DMD: variants seen among roughly 807,000 people sequenced by gnomAD.
DMD encodes dystrophin.
A neutral mutation model predicts 330.1 loss-of-function variants in DMD; 63 were observed. The observed-to-expected ratio is 0.19, with a 90% CI of 0.16 to 0.24. The LOEUF (loss-of-function observed/expected upper bound fraction) is 0.24. DMD is among the 10% of genes least tolerant of loss of function. The pLI, the probability that DMD is intolerant of heterozygous loss-of-function variation, is 1.00. For missense variants in DMD, 3,344 were observed against 2,684.1 expected, an observed-to-expected ratio of 1.25 and a Z score of -5.43; for synonymous variants, 1,223 against 959.8, an observed-to-expected ratio of 1.27 and a Z score of -5.07.
At chrX:32,458,260 A>G (rs1014915585) in intron 25 of DMD, among the ~76,000 whole-genome samples, 3 of 111,106 alleles carry the variant, frequency 2.7e-5, no homozygotes, top group African/African-American at 9.8e-5. Context: ...CCAGTATTTG[A>G]CCGCGTGTGT....
intron 41 of DMD, among the ~76,000 whole-genome samples, chrX:32,316,653 A>G (rs1212763364): frequency 9.0e-6 from 1 of 111,434 alleles, no homozygotes; most frequent in African/African-American, 3.3e-5. Flanking sequence ...CATTTTCTAG[A>G]AAATTCCGTG....
At chrX:32,882,558 TCTA>T (rs1416473702) in intron 2 of DMD, among the ~76,000 whole-genome samples, 2 of 112,285 alleles carry the variant, frequency 1.8e-5, no homozygotes, top group Admixed American at 1.9e-4. Context: ...ACTATTGTTT[TCTA>T]CTACTTTTAT....
chrX:32,540,715 T>C (rs915506400), intron 17 of DMD, among the ~76,000 whole-genome samples: 8 of 112,035 alleles, frequency 7.1e-5, no homozygotes, highest in African/African-American at 1.9e-4. Context: ...TTCCTTTGTT[T>C]TGACGGGCAA....
rs1196023131 is a variant in DMD, at chrX:32,021,033, C to CA, written c.6439-52520dup. ...AATCAATCATTTCTATTTATGTGTG[C>CA]ATACCCTATGACCTGACAATACTAC... On this transcript the variant is annotated intron_variant, in intron 44 of 78. Coordinates refer to ENST00000357033, the MANE Select transcript of DMD (RefSeq NM_004006.3). Among the ~76,000 whole-genome samples the CA allele has an allele frequency of 2.7e-5, 3 of 112,250 alleles. No individual in the cohort carries two copies. In the Admixed American group the frequency reaches 2.8e-4, roughly 11 times the overall value.
intron 1 of DMD, among the ~76,000 whole-genome samples, chrX:33,333,511 C>T (rs1191205874): frequency 3.6e-5 from 4 of 110,743 alleles, no homozygotes; most frequent in Admixed American, 9.7e-5. Context: ...GGAACATCCT[C>T]ATGGAAATAC....
chrX:32,889,498 T>TGTG (rs1433444381), intron 2 of DMD, among the ~76,000 whole-genome samples: 1 of 110,719 alleles, frequency 9.0e-6, no homozygotes, highest in East Asian at 2.9e-4. Flanking sequence ...TCATATCCCC[T>TGTG]GTGACCTGCC....
intron 7 of DMD, among the ~76,000 whole-genome samples, chrX:32,735,851 C>A (rs1369258715): frequency 8.9e-6 from 1 of 111,787 alleles, no homozygotes; most frequent in Non-Finnish European, 1.9e-5. Flanking sequence ...AGGACATAGG[C>A]ATGGGCAAGG....
rs1020855010 is a variant in DMD, at chrX:31,134,050, C to T, written c.11014+52G>A. The T allele has an allele frequency of 3.4e-5, 37 of 1,089,270 alleles. No homozygotes were observed. In the East Asian group the frequency reaches 6.3e-4, roughly 19 times the overall value. The allele number at this position is 1,089,270 out of a possible 1,213,427, so 89.8% of individuals were successfully genotyped here. A position where few individuals can be genotyped will look rare whatever the true frequency, so the allele number is the denominator to read the frequency against. On this transcript the variant is annotated intron_variant, in intron 77 of 78. Coordinates refer to ENST00000357033, the MANE Select transcript of DMD (RefSeq NM_004006.3). ...TACACACACCAGTTGGGTAGGGAAG[C>T]GAGTGGCCTGATCCCAGCAAATCTG... is the stretch of plus-strand genomic sequence containing the variant.
intron 21 of DMD, among the ~76,000 whole-genome samples, chrX:32,483,390 T>C (rs1328672909): frequency 1.0e-4 from 11 of 106,495 alleles, no homozygotes; most frequent in African/African-American, 3.7e-4. Flanking sequence ...GAGAGCTGTA[T>C]GAATAGAGAC....
At chrX:31,888,606 T>G (rs142075273) in intron 47 of DMD, among the ~76,000 whole-genome samples, 2,738 of 111,925 alleles carry the variant, frequency 0.024, 85 homozygotes, top group African/African-American at 0.084. Context: ...TAAATTAATG[T>G]CACTGGAGAA....
At chrX:32,026,637 G>C (rs2095847436) in intron 44 of DMD, among the ~76,000 whole-genome samples, 2 of 112,255 alleles carry the variant, frequency 1.8e-5, no homozygotes, top group Admixed American at 1.9e-4. Flanking sequence ...TCCTAAATAT[G>C]TTTCTTTCTC....
chrX:32,063,601 G>A (rs892818640), intron 44 of DMD, among the ~76,000 whole-genome samples: 2 of 111,064 alleles, frequency 1.8e-5, no homozygotes, highest in Admixed American at 1.9e-4. Context: ...GTGCAAACAC[G>A]AACTTTTATG....
chrX:32,615,264 C>T (rs2057473947), intron 11 of DMD, among the ~76,000 whole-genome samples: 1 of 111,280 alleles, frequency 9.0e-6, no homozygotes, highest in Non-Finnish European at 1.9e-5. Flanking sequence ...GGTGCTTTTT[C>T]CCCACAAAGA....
intron 37 of DMD, among the ~76,000 whole-genome samples, chrX:32,360,057 C>T (rs946712589): frequency 2.7e-5 from 3 of 111,277 alleles, no homozygotes; most frequent in African/African-American, 6.5e-5. Flanking sequence ...AAATCTCAAT[C>T]TTCTAAATCC....
At chrX:32,640,070 A>G (rs1024623681) in intron 11 of DMD, among the ~76,000 whole-genome samples, 3 of 108,704 alleles carry the variant, frequency 2.8e-5, no homozygotes, top group Non-Finnish European at 3.8e-5. Flanking sequence ...AAAATTATAT[A>G]TAAGTTATTA....
At chrX:32,872,863 A>G (rs1438888805) in intron 2 of DMD, among the ~76,000 whole-genome samples, 16 of 111,629 alleles carry the variant, frequency 1.4e-4, no homozygotes, top group Non-Finnish European at 1.9e-5. Context: ...AAAGATCTCT[A>G]TGGCTCCTGT....
At chrX:31,462,732 T>C (rs2066612932) in intron 59 of DMD, among the ~76,000 whole-genome samples, 2 of 112,182 alleles carry the variant, frequency 1.8e-5, no homozygotes, top group Non-Finnish European at 3.8e-5. Flanking sequence ...TTTAACTCAT[T>C]AGTTAAGTGA....
chrX:32,610,471 TA>T (rs1397164916), intron 12 of DMD, among the ~76,000 whole-genome samples: 4 of 111,466 alleles, frequency 3.6e-5, no homozygotes, highest in African/African-American at 1.3e-4. Context: ...TGCCTCATAA[TA>T]AAATGCTGTT....
At chrX:31,676,351 T>C (rs1229852350) in intron 53 of DMD, among the ~76,000 whole-genome samples, 1 of 112,481 alleles carries the variant, frequency 8.9e-6, no homozygotes, top group Non-Finnish European at 1.9e-5. Flanking sequence ...AGATAACCAT[T>C]TTATTTGCTC....
Sources: gnomAD v4.1 joint callset for allele counts (sites outside exome capture counted in the v4.1 genomes callset) on GRCh38, gnomAD v4.1.1 for gene constraint, MANE v1.5 for transcripts, NCBI Gene and HGNC (gene_info 2026-07-23, HGNC 2026-07-21) for gene names.